The following PSMD10 variants were observed in gnomAD, a reference collection of about 807,000 sequenced individuals.
PSMD10 encodes 26S proteasome non-ATPase regulatory subunit 10.
In PSMD10, 2 loss-of-function variants were observed where a neutral mutation model predicts 13.2. The observed-to-expected ratio is 0.15, with a 90% CI of 0.06 to 0.48. The LOEUF is 0.48. Ranked by LOEUF, PSMD10 falls within the 20% of genes least tolerant of loss-of-function variation. PSMD10 has a pLI of 0.97. For synonymous variants in PSMD10, 66 were observed against 64.4 expected, an observed-to-expected ratio of 1.03 and a Z score of -0.12; for missense variants, 120 against 167.4, an observed-to-expected ratio of 0.72 and a Z score of 1.56.
chrX:108,088,930 T>C lies in PSMD10; in HGVS notation c.115-80A>G. ...AAAAAAATACTGGTGCTGGCAAATCTATAGTTTGAAAATACGAAATGCAGA... is the reference window on the plus strand; with the variant it reads ...AAAAAAATACTGGTGCTGGCAAATCCATAGTTTGAAAATACGAAATGCAGA... On this transcript the variant is annotated intron_variant, in intron 1 of 4. Transcript: ENST00000217958. 9 of 789,221 alleles carry C rather than the reference T, an allele frequency of 1.1e-5. No homozygotes were observed. The South Asian group carries it at 2.3e-4, about 20-fold the overall frequency. The allele number at this position is 789,221 out of a possible 1,213,427, so 65.0% of individuals were successfully genotyped here.
intron 2 of PSMD10, 100 bp downstream of exon 2, chrX:108,088,652 A>T: frequency 4.7e-6 from 3 of 643,674 alleles, no homozygotes; most frequent in South Asian, 3.3e-5. Context: ...TAAAGGTTAC[A>T]ATTTTCTTTA....
chrX:108,089,873 C>T (rs756161046), intron 1 of PSMD10, among the ~76,000 whole-genome samples: 4 of 111,724 alleles, frequency 3.6e-5, no homozygotes, highest in African/African-American at 1.3e-4. Flanking sequence ...ATTAAAAAAG[C>T]TATAGTAGTC....
rs768215363 is a variant in PSMD10, at chrX:108,087,708, C to T, written c.505G>A (p.Asp169Asn). The T allele has an allele frequency of 8.3e-6, 10 of 1,210,463 alleles. No homozygotes were observed. The highest frequency in any genetic ancestry group is 1.1e-5 in the Non-Finnish European group (10 of 894,472). The change falls in exon 4 of 5, where the codon GAC becomes AAC. Residue 169 changes from aspartate to asparagine, a missense_variant. Asp to Asn is a conservative substitution (Grantham distance 23). This residue lies in a region of PSMD10 where 68 missense variants were observed against 124.8 expected (regional missense o/e 0.54). Transcript: ENST00000217958. ...LYYKASTNIQ[D>N]TEGNTPLHLA... is the part of the protein sequence containing the mutation. ...TACAGAGGAGTGTTACCCTCAGTGT[C>T]TTGGATGTTTGTGGATGCTTTGTAG... is the stretch of plus-strand genomic sequence containing the variant.
rs1226764606 is a variant in PSMD10 at position 108,084,943 on chromosome X, A to G, written c.*31T>C. On this transcript the variant is annotated 3_prime_UTR_variant, in exon 5 of 5. Coordinates refer to ENST00000217958, the MANE Select transcript of PSMD10 (RefSeq NM_002814.4). ...TGTAGGACACTGGGGACAACAACACAACATACAAAGTAAGAATAAATCCAA... is the reference window on the plus strand; with the variant it reads ...TGTAGGACACTGGGGACAACAACACGACATACAAAGTAAGAATAAATCCAA... The G allele has an allele frequency of 8.6e-7, 1 of 1,167,682 alleles. No homozygotes were observed. The highest frequency in any genetic ancestry group is 1.1e-6 in the Non-Finnish European group (1 of 873,921).
intron 1 of PSMD10, among the ~76,000 whole-genome samples, chrX:108,091,045 C>T (rs1223532649): frequency 8.8e-6 from 1 of 113,093 alleles, no homozygotes; most frequent in Non-Finnish European, 1.9e-5. Flanking sequence ...CTGCCTGGCA[C>T]GGAAGGGGCG....
In PSMD10 at chrX:108,091,526, T is replaced by G; in HGVS notation, c.-6A>C. ...TTAGACACACACCCCTCCATTTCGC[T>G]GTCCCAGCAACTACTTGTCGCGCGA... On this transcript the variant is annotated 5_prime_UTR_variant, in exon 1 of 5. Transcript: ENST00000217958. 1 of 1,206,648 alleles carries G rather than the reference T, an allele frequency of 8.3e-7. No homozygotes were observed. Among genetic ancestry groups the G allele is most frequent in the Non-Finnish European group, 1.1e-6 (1 of 890,362 alleles).
At chrX:108,089,114 C>T (rs746407633) in intron 1 of PSMD10, among the ~76,000 whole-genome samples, 2 of 112,464 alleles carry the variant, frequency 1.8e-5, no homozygotes, top group African/African-American at 3.2e-5. Flanking sequence ...GATTTCAATG[C>T]TTTGACAGAA....
In PSMD10 at chrX:108,088,115, G is replaced by A; in HGVS notation, c.214-16C>T. On this transcript the variant is annotated splice_polypyrimidine_tract_variant and intron_variant, in intron 2 of 4. Coordinates refer to ENST00000217958, the MANE Select transcript of PSMD10 (RefSeq NM_002814.4). ...ACCAACCTGCCTATAAAAGAAGTAG[G>A]TAGTAGAAATACCAGGGGAAAAAGG... The A allele has an allele frequency of 8.4e-7, 1 of 1,186,073 alleles. No individual in the cohort carries two copies. The highest frequency in any genetic ancestry group is 3.0e-5 in the East Asian group (1 of 33,606).
At chrX:108,091,307 G>T in intron 1 of PSMD10, 100 bp downstream of exon 1, 2 of 801,249 alleles carry the variant, frequency 2.5e-6, no homozygotes, top group Non-Finnish European at 3.8e-6. Flanking sequence ...GCGGGGTTCT[G>T]CTTCTCTCAG....
chrX:108,085,643 A>G (rs2031488870), intron 4 of PSMD10, among the ~76,000 whole-genome samples: 1 of 112,046 alleles, frequency 8.9e-6, no homozygotes, highest in African/African-American at 3.2e-5. Flanking sequence ...CTATGCTGAC[A>G]TGTCTTGGCA....
Position 108,085,084 on chromosome X carries a change from G to A in PSMD10, c.571C>T (p.Leu191=). 1 of 1,209,191 alleles carries A rather than the reference G, an allele frequency of 8.3e-7. No individual in the cohort carries two copies. The highest frequency in any genetic ancestry group is 1.1e-6 in the Non-Finnish European group (1 of 894,226). The change falls in exon 5 of 5, where the codon CTG becomes TTG. Residue 191 remains leucine, a synonymous_variant. Transcript: ENST00000217958. The part of the protein sequence containing the change: ...DEERVEEAKL[L]VSQGASIYIE... ...TAAATACTTGCTCCTTGGGACACCA[G>A]CAGTTTTGCTTCTTCCACTCTCTCC...
In PSMD10 at chrX:108,091,495, A is replaced by C; in HGVS notation, c.26T>G (p.Met9Arg). The change falls in exon 1 of 5, where the codon ATG becomes AGG. Residue 9 changes from methionine (M) to arginine (R), a missense_variant. Physicochemically the swap from Met to Arg is moderately conservative, Grantham distance 91. This residue lies in a region of PSMD10 where 32 missense variants were observed against 26.2 expected (regional missense o/e 1.22). Coordinates refer to ENST00000217958, the MANE Select transcript of PSMD10 (RefSeq NM_002814.4). MEGCVSNL[M>R]VCNLAYSGKL... Reference sequence around the variant, plus strand: ...CCCGCTGTAGGCCAGGTTGCAGACCATTAGGTTAGACACACACCCCTCCAT... The same window carrying C: ...CCCGCTGTAGGCCAGGTTGCAGACCCTTAGGTTAGACACACACCCCTCCAT... The C allele has an allele frequency of 8.3e-7, 1 of 1,211,936 alleles. No homozygotes were observed. Among genetic ancestry groups the C allele is most frequent in the Non-Finnish European group, 1.1e-6 (1 of 895,268 alleles).
At chrX:108,088,954 GAGCACTGGATCCTC>G in intron 1 of PSMD10, 104 bp from the exon 2 acceptor site, 1 of 589,237 alleles carries the variant, frequency 1.7e-6, no homozygotes, top group Admixed American at 3.1e-5. Flanking sequence ...ACGAAATGCA[GAGCACTGGATCCTC>G]AGGTAGGTAA....
intron 2 of PSMD10, chrX:108,088,437 A>G (rs1343061087): frequency 3.3e-6 from 1 of 306,718 alleles, no homozygotes; most frequent in African/African-American, 2.7e-5. Context: ...ATTTTTAGAG[A>G]CAAGGTCTCA....
chrX:108,089,773 C>T (rs2031544618), intron 1 of PSMD10, among the ~76,000 whole-genome samples: 1 of 111,004 alleles, frequency 9.0e-6, no homozygotes, highest in African/African-American at 3.3e-5. Context: ...GCAGAGGTTG[C>T]AGTGAGGTGA....
At chrX:108,088,379 G>T in intron 2 of PSMD10, 1 of 338,934 alleles carries the variant, frequency 3.0e-6, no homozygotes, top group Non-Finnish European at 5.1e-6. Context: ...TGGTCTTTTA[G>T]GGTTCACCAT....
intron 3 of PSMD10, 41 bp downstream of exon 3, chrX:108,087,912 C>G (rs376044629): frequency 1.7e-6 from 2 of 1,211,599 alleles, no homozygotes; most frequent in Admixed American, 4.3e-5. Context: ...TTTGTATACA[C>G]GTTTAGAACT....
At chrX:108,088,203 A>ATTTT in intron 2 of PSMD10, 104 bp from the exon 3 acceptor site, 1 of 820,327 alleles carries the variant, frequency 1.2e-6, no homozygotes, top group Non-Finnish European at 1.7e-6. Flanking sequence ...GCAAAAAAAT[A>ATTTT]TTTGCCTACA....
chrX:108,085,485 T>C (rs960924250), intron 4 of PSMD10, among the ~76,000 whole-genome samples: 4 of 112,812 alleles, frequency 3.5e-5, no homozygotes, highest in Non-Finnish European at 7.5e-5. Context: ...GTTCATAAAC[T>C]GTTAATAGTA....
Sources: gnomAD v4.1 joint callset for allele counts (sites outside exome capture counted in the v4.1 genomes callset) on GRCh38, gnomAD v4.1.1 for gene constraint, gnomAD v4.1.1 regional missense constraint, MANE v1.5 for transcripts, NCBI Gene and HGNC (gene_info 2026-07-23, HGNC 2026-07-21) for gene names.